CYREN: variants seen among roughly 807,000 people sequenced by gnomAD.
The protein encoded by CYREN is cell cycle regulator of NHEJ.
A neutral mutation model predicts 9.7 loss-of-function variants in CYREN; 7 were observed. That is an observed-to-expected ratio of 0.72 (90% CI 0.41 to 1.36). The LOEUF (loss-of-function observed/expected upper bound fraction) is 1.36, where lower values mean the gene tolerates loss of function less well. CYREN is among the 40% of genes most tolerant of loss of function. The probability of loss-of-function intolerance (pLI) is 0.01; values close to 1 mark genes in which losing one functional copy is unlikely to be tolerated. For missense variants in CYREN, 215 were observed against 198.1 expected (o/e 1.09, Z -0.51); for synonymous variants, 76 against 77.9 (o/e 0.98, Z 0.13).
At chr7:135,115,877 T>C (rs530251461) in intron 2 of CYREN, 1 of 344,988 alleles carries the variant, frequency 2.9e-6, no homozygotes, top group East Asian at 5.3e-5. Context: ...ATAAATAAAG[T>C]ATGATTATAG....
chr7:135,126,554 G>A (rs1295951892), intron 2 of CYREN, among the ~76,000 whole-genome samples: 3 of 152,156 alleles, frequency 2.0e-5, no homozygotes, highest in Non-Finnish European at 1.5e-5. Context: ...ATTTCATATG[G>A]AATCAAAGAA....
chr7:135,107,907 A>G (rs1260810108), intron 2 of CYREN, among the ~76,000 whole-genome samples: 1 of 152,112 alleles, frequency 6.6e-6, no homozygotes, highest in Non-Finnish European at 1.5e-5. Flanking sequence ...TGTTGGGTAC[A>G]TATATATTTA....
intron 2 of CYREN, among the ~76,000 whole-genome samples, chr7:135,104,788 T>TTC (rs1309858984): frequency 6.6e-6 from 1 of 151,880 alleles, no homozygotes; most frequent in Non-Finnish European, 1.5e-5. Flanking sequence ...TTTTTTTTTT[T>TTC]CTTGTACATT....
At chr7:135,143,006 A>C (rs1234061859) in intron 2 of CYREN, among the ~76,000 whole-genome samples, 1 of 152,158 alleles carries the variant, frequency 6.6e-6, no homozygotes, top group Non-Finnish European at 1.5e-5. Context: ...TAGCCAACAC[A>C]GTATTGAAGA....
intron 2 of CYREN, among the ~76,000 whole-genome samples, chr7:135,098,558 A>G (rs892982061): frequency 6.6e-5 from 10 of 152,190 alleles, no homozygotes; most frequent in African/African-American, 2.4e-4. Flanking sequence ...TGCTGAAAAC[A>G]TTTTTGTTGA....
rs548363684 is a variant in CYREN at position 135,132,908 on chromosome 7, C to T, written n.356+35841G>A. 4.6e-5 allele frequency among the ~76,000 whole-genome samples: 7 copies of T among 152,198 alleles called. No individual in the cohort carries two copies. In the East Asian group the frequency reaches 1.4e-3, roughly 29 times the overall value. ...TAGAATAATACACCACTCTATTGAA[C>T]ATTGTGCTAGAAGTTCTAGCCACTG... On this transcript the variant is annotated intron_variant and non_coding_transcript_variant, in intron 2 of 2. Coordinates refer to the CYREN transcript ENST00000459937.
At chr7:135,143,047 C>A (rs1320611901) in intron 2 of CYREN, among the ~76,000 whole-genome samples, 1 of 152,074 alleles carries the variant, frequency 6.6e-6, no homozygotes, top group African/African-American at 2.4e-5. Context: ...ACACTACATG[C>A]CTTTAAGACT....
intron 2 of CYREN, among the ~76,000 whole-genome samples, chr7:135,114,461 A>G (rs1412269004): frequency 6.6e-6 from 1 of 152,206 alleles, no homozygotes. Flanking sequence ...TAACAAAACA[A>G]TAATTCCTTT....
rs986077714 is a variant in CYREN, at chr7:135,140,225, T to C, written n.356+28524A>G. Among the ~76,000 whole-genome samples the C allele has an allele frequency of 6.6e-5, 10 of 152,276 alleles. 1 individual carries two copies. The South Asian group carries it at 1.0e-3, about 16-fold the overall frequency. ...AATGTTTTTCCATTTATTTGTGTCA[T>C]TTCTTATTTTTTTCAGCAGTGCTTT... is the stretch of plus-strand genomic sequence containing the variant. On this transcript the variant is annotated intron_variant and non_coding_transcript_variant, in intron 2 of 2. Transcript: ENST00000459937.
At chr7:135,142,705 A>T (rs1340433575) in intron 2 of CYREN, among the ~76,000 whole-genome samples, 1 of 152,214 alleles carries the variant, frequency 6.6e-6, no homozygotes, top group South Asian at 2.1e-4. Flanking sequence ...GTTTGAAATT[A>T]AAAACACATT....
At chr7:135,165,190 A>T (rs1830062523), downstream of CYREN, 1 of 589,456 alleles carries the variant, frequency 1.7e-6, no homozygotes, top group Admixed American at 3.2e-5. Context: ...ACTTCTTAGT[A>T]CAAGATTGTC....
At chr7:135,117,766 G>T (rs545885287) in intron 2 of CYREN, among the ~76,000 whole-genome samples, 1 of 152,266 alleles carries the variant, frequency 6.6e-6, no homozygotes, top group African/African-American at 2.4e-5. Context: ...AGATACTTTT[G>T]GGGGTGTCTA....
intron 2 of CYREN, chr7:135,135,219 T>C (rs1339964626): frequency 1.9e-6 from 3 of 1,542,182 alleles, no homozygotes; most frequent in Non-Finnish European, 2.6e-6. Context: ...ATAAGAATGA[T>C]GGACAACCCA....
At chr7:135,104,509 C>G (rs773365276) in intron 2 of CYREN, among the ~76,000 whole-genome samples, 1 of 151,878 alleles carries the variant, frequency 6.6e-6, no homozygotes, top group Non-Finnish European at 1.5e-5. Context: ...CACCATACTG[C>G]TTTCTATAAT....
At chr7:135,121,861 C>G (rs1396795376) in intron 2 of CYREN, among the ~76,000 whole-genome samples, 1 of 152,190 alleles carries the variant, frequency 6.6e-6, no homozygotes, top group Non-Finnish European at 1.5e-5. Context: ...GTGTGCTACC[C>G]AGCCGGGGAA....
chr7:135,160,779 T>C (rs2117459627), intron 2 of CYREN, among the ~76,000 whole-genome samples: 1 of 149,890 alleles, frequency 6.7e-6, no homozygotes, highest in East Asian at 2.0e-4. Context: ...TGTATCAAAA[T>C]AACAAAACTG....
chr7:135,132,508 G>A (rs1227023826), intron 2 of CYREN, among the ~76,000 whole-genome samples: 1 of 152,034 alleles, frequency 6.6e-6, no homozygotes, highest in Non-Finnish European at 1.5e-5. Flanking sequence ...GGAATAAAGG[G>A]GATCTTACTC....
chr7:135,115,464 A>G (rs1236037174), intron 2 of CYREN: 1 of 1,551,396 alleles, frequency 6.4e-7, no homozygotes, highest in Admixed American at 2.0e-5. Flanking sequence ...ACAGATGATG[A>G]AAAAAGAAGC....
chr7:135,164,756 G>A, downstream of CYREN: 1 of 1,614,232 alleles, frequency 6.2e-7, no homozygotes, highest in Non-Finnish European at 8.5e-7. Context: ...TCCTAGCCCA[G>A]TGCAACAGTG....
Sources: gnomAD v4.1 joint callset for allele counts (sites outside exome capture counted in the v4.1 genomes callset) on GRCh38, gnomAD v4.1.1 for gene constraint, MANE v1.5 for transcripts, NCBI Gene and HGNC (gene_info 2026-07-23, HGNC 2026-07-21) for gene names.